Variants in UTS2 observed in about 807,000 individuals in gnomAD.
UTS2 encodes urotensin-2.
A neutral mutation model predicts 12.6 loss-of-function variants in UTS2; 10 were observed. The ratio of observed to expected loss-of-function variants is 0.80; its 90% CI spans 0.49 to 1.35. The LOEUF is 1.35. Ranked by LOEUF, UTS2 falls within the 40% of genes most tolerant of loss-of-function variation. The pLI, the probability that UTS2 is intolerant of heterozygous loss-of-function variation, is 0.00. For missense variants in UTS2, 142 were observed against 143.2 expected (o/e 0.99, Z 0.04); for synonymous variants, 52 against 50.0 (o/e 1.04, Z -0.17).
the UTS2 span, among the ~76,000 whole-genome samples, chr1:7,898,880 G>A: frequency 6.6e-6 from 1 of 152,108 alleles, no homozygotes; most frequent in Admixed American, 6.6e-5. Context: ...ACAGTTGGCT[G>A]GGTTACTGTA....
At chr1:7,902,710 C>T in the UTS2 span, among the ~76,000 whole-genome samples, 55 of 152,236 alleles carry the variant, frequency 3.6e-4, no homozygotes, top group African/African-American at 1.3e-3. Flanking sequence ...AGTGAGCCAG[C>T]TTCCCCGGCC....
intron 1 of UTS2, 95 bp from the exon 2 acceptor site, chr1:7,851,017 TG>T: frequency 8.2e-7 from 1 of 1,221,912 alleles, no homozygotes. Context: ...GATAGGGAGA[TG>T]AACACTAGAA....
At chr1:7,889,461 A>G in the UTS2 span, among the ~76,000 whole-genome samples, 4 of 137,770 alleles carry the variant, frequency 2.9e-5, no homozygotes, top group Non-Finnish European at 6.4e-5. Flanking sequence ...AAAAAAAAAA[A>G]AAGAAAAGAA....
At chr1:7,895,839 A>G in the UTS2 span, among the ~76,000 whole-genome samples, 1 of 152,186 alleles carries the variant, frequency 6.6e-6, no homozygotes, top group Non-Finnish European at 1.5e-5. Context: ...AAATTACATG[A>G]GGTTTCTGCT....
chr1:7,852,860 G>C (rs769800209), intron 1 of UTS2, 41 bp downstream of exon 1: 6 of 1,575,772 alleles, frequency 3.8e-6, no homozygotes, highest in South Asian at 2.4e-5. Flanking sequence ...ACTAGTAAAG[G>C]CTCTTTCAAG....
the UTS2 span, among the ~76,000 whole-genome samples, chr1:7,877,978 T>C: frequency 6.6e-6 from 1 of 152,112 alleles, no homozygotes; most frequent in Non-Finnish European, 1.5e-5. Flanking sequence ...CCCAAAAAGA[T>C]CTTCTCCAAG....
At chr1:7,891,966 G>A in the UTS2 span, among the ~76,000 whole-genome samples, 14 of 152,228 alleles carry the variant, frequency 9.2e-5, no homozygotes, top group Admixed American at 1.3e-4. Flanking sequence ...TGATGGTGGC[G>A]ACAGTTTCAC....
the UTS2 span, among the ~76,000 whole-genome samples, chr1:7,879,827 C>T: frequency 6.6e-6 from 1 of 151,818 alleles, no homozygotes; most frequent in Admixed American, 6.6e-5. Context: ...AAAAGCAGTG[C>T]TAAAAGGGAA....
the UTS2 span, among the ~76,000 whole-genome samples, chr1:7,859,893 G>A: frequency 6.6e-5 from 10 of 152,278 alleles, no homozygotes; most frequent in African/African-American, 2.4e-4. Context: ...CAGCTACTTA[G>A]GAGGCTGAGG....
the UTS2 span, among the ~76,000 whole-genome samples, chr1:7,899,148 G>A: frequency 2.6e-5 from 4 of 152,112 alleles, no homozygotes; most frequent in African/African-American, 4.8e-5. Context: ...TGACTATAAT[G>A]AGAACAGCAT....
chr1:7,875,706 A>G, the UTS2 span, among the ~76,000 whole-genome samples: 1 of 152,062 alleles, frequency 6.6e-6, no homozygotes, highest in Non-Finnish European at 1.5e-5. Flanking sequence ...CATCAAGATG[A>G]GGGGACTGAG....
intron 2 of UTS2, among the ~76,000 whole-genome samples, chr1:7,849,933 CCTGT>C (rs899190335): frequency 3.3e-5 from 5 of 151,866 alleles, no homozygotes; most frequent in East Asian, 3.9e-4. Context: ...CAAATGAACT[CCTGT>C]CTATTAAACA....
chr1:7,887,726 A>T, the UTS2 span, among the ~76,000 whole-genome samples: 1 of 151,038 alleles, frequency 6.6e-6, no homozygotes, highest in African/African-American at 2.4e-5. Context: ...CCACCACTCC[A>T]GCCTGGGCAA....
the UTS2 span, among the ~76,000 whole-genome samples, chr1:7,903,384 A>T: frequency 6.8e-6 from 1 of 146,018 alleles, no homozygotes; most frequent in African/African-American, 2.6e-5. Flanking sequence ...ATTATTAATT[A>T]ATTAATTAAT....
chr1:7,851,479 C>A (rs142609866), intron 1 of UTS2, among the ~76,000 whole-genome samples: 32 of 152,180 alleles, frequency 2.1e-4, no homozygotes, highest in African/African-American at 7.2e-4. Flanking sequence ...GAAATGTGGT[C>A]GACCAGATGG....
the UTS2 span, among the ~76,000 whole-genome samples, chr1:7,880,299 A>G: frequency 1.3e-5 from 2 of 152,026 alleles, no homozygotes; most frequent in South Asian, 2.1e-4. Context: ...ATCAGAGCCA[A>G]AGCAGAACTA....
chr1:7,884,049 G>T, the UTS2 span, among the ~76,000 whole-genome samples: 889 of 152,090 alleles, frequency 5.8e-3, 12 homozygotes, highest in African/African-American at 0.021. Flanking sequence ...CCTGGCCTCA[G>T]GTGATCCACC....
At chr1:7,910,259 A>AT in the UTS2 span, among the ~76,000 whole-genome samples, 12 of 151,982 alleles carry the variant, frequency 7.9e-5, no homozygotes, top group Non-Finnish European at 1.8e-4. Flanking sequence ...ACCTGAGAAG[A>AT]TTACTCTAAC....
At chr1:7,848,039 CG>C (rs1308747766) in intron 3 of UTS2, among the ~76,000 whole-genome samples, 157 bp from the exon 4 acceptor site, 1 of 152,162 alleles carries the variant, frequency 6.6e-6, no homozygotes, top group Non-Finnish European at 1.5e-5. Flanking sequence ...AAGAGTGTCC[CG>C]GGCCCGTGGG....
Sources: gnomAD v4.1 joint callset for allele counts (sites outside exome capture counted in the v4.1 genomes callset) on GRCh38, gnomAD v4.1.1 for gene constraint, MANE v1.5 for transcripts, NCBI Gene and HGNC (gene_info 2026-07-23, HGNC 2026-07-21) for gene names.